MCRIP2: variants seen among roughly 807,000 people sequenced by gnomAD.
The protein encoded by MCRIP2 is MAPK regulated corepressor interacting protein 2, also known as MAPK regulated co-repressor interacting protein 2.
In MCRIP2, 21 loss-of-function variants were observed where a neutral mutation model predicts 23.2. The observed-to-expected ratio is 0.90, with a 90% confidence interval of 0.64 to 1.30. The LOEUF is 1.30. MCRIP2 is among the 50% of genes most tolerant of loss of function. The pLI, the probability that MCRIP2 is intolerant of heterozygous loss-of-function variation, is 0.00. For synonymous variants in MCRIP2, 121 were observed against 100.2 expected (o/e 1.21, Z -1.24); for missense variants, 234 against 223.2 (o/e 1.05, Z -0.31).
intron 2 of MCRIP2, chr16:645,344 C>G (rs2037455649): frequency 6.6e-6 from 1 of 152,268 alleles, no homozygotes; most frequent in African/African-American, 2.4e-5. Context: ...CAACCTCCGC[C>G]TCCCAGGTTC....
rs899363115 is a variant in MCRIP2, at chr16:642,265, CCCCGGCCCGG to C, written c.182+28_182+37del. On this transcript the variant is annotated intron_variant, in intron 2 of 4. Coordinates refer to ENST00000307650, the MANE Select transcript of MCRIP2 (RefSeq NM_138418.4). ...CCCTGTCGAGGTGAGACGCGCGCGG[CCCCGGCCCGG>C]CCCGGCCCGGCTTCCCCTCCCCCGC... is the stretch of plus-strand genomic sequence containing the variant. 6.0e-6 allele frequency: 7 copies of C among 1,167,064 alleles called. No individual in the cohort carries two copies. The highest frequency in any genetic ancestry group is 6.3e-6 in the Non-Finnish European group (6 of 947,424). 72.3% of individuals were successfully genotyped at this position (1,167,064 alleles called of 1,614,324 possible).
Position 648,282 on chromosome 16 carries a change from C to T in MCRIP2, c.*92C>T, listed in dbSNP as rs11551692. ...CCACCCACTGCGCCTGGCTGGGTGC[C>T]GGCCACACCTGAAGTGCCAGCATTT... On this transcript the variant is annotated 3_prime_UTR_variant, in exon 5 of 5. Coordinates refer to ENST00000307650, the MANE Select transcript of MCRIP2 (RefSeq NM_138418.4). 3,829 of 1,253,498 alleles carry T rather than the reference C, an allele frequency of 3.1e-3. 10 individuals are homozygous for T. Among genetic ancestry groups the T allele is most frequent in the Non-Finnish European group, 3.7e-3 (3,241 of 883,534 alleles). The allele number at this position is 1,253,498 out of a possible 1,614,324, so 77.6% of individuals were successfully genotyped here. A position where few individuals can be genotyped will look rare whatever the true frequency, so the allele number is the denominator to read the frequency against.
At position 647,882 on chromosome 16, in the gene MCRIP2, A is replaced by G; in HGVS notation, c.410A>G (p.Gln137Arg). The G allele has an allele frequency of 7.7e-7, 1 of 1,303,270 alleles. No homozygotes were observed. The highest frequency in any genetic ancestry group is 1.0e-6 in the Non-Finnish European group (1 of 986,394). 80.7% of individuals were successfully genotyped at this position (1,303,270 alleles called of 1,614,324 possible). Residue 137 changes from glutamine (Q) to arginine (R), a missense_variant and splice_region_variant, in exon 4 of 5, where the codon CAG becomes CGG. Physicochemically the swap from Gln to Arg is conservative, Grantham distance 43. Coordinates refer to ENST00000307650, the MANE Select transcript of MCRIP2 (RefSeq NM_138418.4). ...YVERTPNPRL[Q>R]NFVPIDLDEW... is the part of the protein sequence containing the mutation. ...GAGAGGACCCCCAATCCCCGGCTGC[A>G]GAGTGAGCCCCCCAACCCTGTCCCC...
At chr16:642,988 C>CT (rs2037388799) in intron 2 of MCRIP2, 1 of 152,592 alleles carries the variant, frequency 6.6e-6, no homozygotes, top group Non-Finnish European at 1.5e-5. Flanking sequence ...GGGTCATGGC[C>CT]TGAGGCGGTG....
chr16:644,170 C>G (rs2151100505), intron 2 of MCRIP2, among the ~76,000 whole-genome samples: 1 of 152,322 alleles, frequency 6.6e-6, no homozygotes, highest in African/African-American at 2.4e-5. Context: ...CAACCTCTGC[C>G]TCCTGGGTTC....
chr16:644,793 G>C (rs1338817048), intron 2 of MCRIP2, among the ~76,000 whole-genome samples: 4 of 151,414 alleles, frequency 2.6e-5, no homozygotes, highest in Admixed American at 6.6e-5. Context: ...ATCTCTCACT[G>C]ACTGGGCGCG....
chr16:647,771 C>G lies in MCRIP2; in HGVS notation c.311-12C>G, dbSNP rs966496005. ...TGGGACCTGGCTCAGCCCGACTGCC[C>G]TCCTCCCACAGCCTGGCAGCAGGTG... On this transcript the variant is annotated splice_polypyrimidine_tract_variant and intron_variant, in intron 3 of 4. Transcript: ENST00000307650. 9 of 1,555,644 alleles carry G rather than the reference C, an allele frequency of 5.8e-6. No homozygotes were observed. The highest frequency in any genetic ancestry group is 7.8e-6 in the Non-Finnish European group (9 of 1,150,562).
rs934983144 is a variant in MCRIP2, at chr16:648,404, C to G, written c.*214C>G. On this transcript the variant is annotated 3_prime_UTR_variant, in exon 5 of 5. Transcript: ENST00000307650. The stretch of plus-strand genomic sequence containing the variant: ...TCTGACCTCAGCCCTGCTCACTGTG[C>G]CCAGGGACCAGCGACCAGCCCCTGG... 1.7e-6 allele frequency: 1 copy of G among 579,630 alleles called. No individual in the cohort carries two copies. The highest frequency in any genetic ancestry group is 1.9e-5 in the African/African-American group (1 of 53,066). 35.9% of individuals were successfully genotyped at this position (579,630 alleles called of 1,614,324 possible).
intron 2 of MCRIP2, among the ~76,000 whole-genome samples, chr16:644,715 T>C (rs2037434197): frequency 6.6e-6 from 1 of 151,934 alleles, no homozygotes; most frequent in Non-Finnish European, 1.5e-5. Flanking sequence ...GTTGGGGTTA[T>C]AGGTGTGGGC....
At chr16:645,973 A>G (rs1236610573) in intron 2 of MCRIP2, 2 of 152,242 alleles carry the variant, frequency 1.3e-5, no homozygotes, top group Non-Finnish European at 2.9e-5. Context: ...TGCACTCCAC[A>G]GCCTTCACCT....
rs113018063 is a variant in MCRIP2, at chr16:646,507, C to A, written c.183-910C>A. ...AGCTGAGGAGGAACCGAGAGCGGCGCTGGGGCACCTGAGCCCAGGAAGGCA... is the reference window on the plus strand; with the variant it reads ...AGCTGAGGAGGAACCGAGAGCGGCGATGGGGCACCTGAGCCCAGGAAGGCA... On this transcript the variant is annotated intron_variant, in intron 2 of 4. Transcript: ENST00000307650. This position sits in a 1 kb window ranked among gnomAD's most constrained non-coding sequence, Gnocchi z 6.5. 1.3e-5 allele frequency: 2 copies of A among 152,240 alleles called. No homozygotes were observed. The allele number at this position is 152,240 out of a possible 1,614,324, so 9.4% of individuals were successfully genotyped here.
At chr16:647,012 C>T (rs1471528301) in intron 2 of MCRIP2, 2 of 206,910 alleles carry the variant, frequency 9.7e-6, no homozygotes, top group East Asian at 1.3e-4. Context: ...GGGGTTGGGG[C>T]AGAGAGACAT....
intron 2 of MCRIP2, 200 bp from the exon 3 acceptor site, chr16:647,217 T>C: frequency 1.6e-6 from 1 of 640,200 alleles, no homozygotes. Flanking sequence ...AGGTGTGAGC[T>C]GAGCTGCCGA....
At chr16:643,547 T>TC (rs1346595160) in intron 2 of MCRIP2, among the ~76,000 whole-genome samples, 2 of 144,466 alleles carry the variant, frequency 1.4e-5, no homozygotes, top group East Asian at 4.0e-4. Flanking sequence ...TCTCTTTTTT[T>TC]TTTTTTTTTT....
At chr16:647,151 C>T (rs577276575) in intron 2 of MCRIP2, 1 of 554,426 alleles carries the variant, frequency 1.8e-6, no homozygotes, top group Non-Finnish European at 3.2e-6. Context: ...TTGGGACACT[C>T]TAAGACTGAG....
chr16:642,219 C>T lies in MCRIP2; in HGVS notation c.152C>T (p.Ala51Val), dbSNP rs1222303604. 3 of 1,262,054 alleles carry T rather than the reference C, an allele frequency of 2.4e-6. No homozygotes were observed. Among genetic ancestry groups the T allele is most frequent in the East Asian group, 3.5e-5 (1 of 28,306 alleles). The allele number at this position is 1,262,054 out of a possible 1,614,324, so 78.2% of individuals were successfully genotyped here. A position where few individuals can be genotyped will look rare whatever the true frequency, so the allele number is the denominator to read the frequency against. The change falls in exon 2 of 5, where the codon GCG (alanine) becomes GTG (valine). Residue 51 changes from alanine (A) to valine (V), a missense_variant. Physicochemically the swap from Ala to Val is moderately conservative, Grantham distance 64 (BLOSUM62 0). Transcript: ENST00000307650. ...CAGCCCCCGCGGGCGCAGCCCTTTG[C>T]GCAGCCGCCGGGACCCTGGCCCCTG... Reference protein sequence around the residue: ...TSQPPRAQPFAQPPGPWPLSS... With the variant: ...TSQPPRAQPFVQPPGPWPLSS...
chr16:645,990 G>T (rs2037470729), intron 2 of MCRIP2: 1 of 152,236 alleles, frequency 6.6e-6, no homozygotes, highest in African/African-American at 2.4e-5. Context: ...ACCTCCCTGG[G>T]CTGAAGTTTG....
At chr16:644,819 G>T (rs1393554010) in intron 2 of MCRIP2, among the ~76,000 whole-genome samples, 1 of 151,588 alleles carries the variant, frequency 6.6e-6, no homozygotes, top group Non-Finnish European at 1.5e-5. Context: ...GGGGTGTCGG[G>T]GTCCCTGCAC....
chr16:642,157 G>A lies in MCRIP2; in HGVS notation c.90G>A (p.Glu30=), dbSNP rs928531639. The part of the protein sequence containing the change: ...TQQQVEGRLG[E]LLKCRQPAPP... ...AGCAGGTGGAGGGCCGGCTCGGCGA[G>A]CTCCTGAAATGCCGGCAGCCCGCGC... is the stretch of plus-strand genomic sequence containing the variant. The change falls in exon 2 of 5, where the codon GAG becomes GAA. Residue 30 remains glutamate, a synonymous_variant. Transcript: ENST00000307650. The A allele has an allele frequency of 5.1e-6, 7 of 1,360,874 alleles. No homozygotes were observed. Among genetic ancestry groups the A allele is most frequent in the South Asian group, 1.6e-5 (1 of 60,890 alleles). 84.3% of individuals were successfully genotyped at this position (1,360,874 alleles called of 1,614,324 possible).
Sources: gnomAD v4.1 joint callset for allele counts (sites outside exome capture counted in the v4.1 genomes callset) on GRCh38, gnomAD v4.1.1 for gene constraint, Gnocchi (gnomAD v3.1) non-coding constraint, MANE v1.5 for transcripts, NCBI Gene and HGNC (gene_info 2026-07-23, HGNC 2026-07-21) for gene names.